The following UNC5C variants were observed in gnomAD, a reference collection of about 807,000 sequenced individuals.
UNC5C encodes unc-5 netrin receptor C.
Under a neutral mutation model 99.8 loss-of-function variants are expected in UNC5C, and 47 were observed. The ratio of observed to expected loss-of-function variants is 0.47; its 90% CI spans 0.37 to 0.60. The LOEUF (loss-of-function observed/expected upper bound fraction) is 0.60, where lower values mean the gene tolerates loss of function less well. Among genes scored for constraint, UNC5C ranks in the 20% least tolerant of loss-of-function variants. The probability of loss-of-function intolerance (pLI) is 0.00; values close to 1 mark genes in which losing one functional copy is unlikely to be tolerated. For synonymous variants in UNC5C, 487 were observed against 452.2 expected, an observed-to-expected ratio of 1.08 and a Z score of -0.98; for missense variants, 1,062 against 1,165.9, an observed-to-expected ratio of 0.91 and a Z score of 1.30.
intron 4 of UNC5C, among the ~76,000 whole-genome samples, chr4:95,277,912 C>T (rs2865418): frequency 0.18 from 27,350 of 152,076 alleles, 4,180 homozygotes; most frequent in African/African-American, 0.39. Flanking sequence ...TCACATTTTT[C>T]GCATATCAGC....
chr4:95,391,561 T>C (rs1355493436), intron 1 of UNC5C, among the ~76,000 whole-genome samples: 2 of 152,140 alleles, frequency 1.3e-5, no homozygotes, highest in Non-Finnish European at 2.9e-5. Context: ...CCAATATATC[T>C]TGTATTCTTT....
At chr4:95,264,971 T>C (rs566129891) in intron 4 of UNC5C, among the ~76,000 whole-genome samples, 1 of 152,280 alleles carries the variant, frequency 6.6e-6, no homozygotes, top group Admixed American at 6.5e-5. Flanking sequence ...TTCTCCTCCT[T>C]CTACTTTATA....
chr4:95,176,732 G>GAGGC (rs927275544), intron 14 of UNC5C, among the ~76,000 whole-genome samples: 1 of 152,256 alleles, frequency 6.6e-6, no homozygotes, highest in African/African-American at 2.4e-5. Flanking sequence ...GGAGCCTGCA[G>GAGGC]AGGCAGGCAG....
chr4:95,213,850 C>A (rs947133461), intron 10 of UNC5C, among the ~76,000 whole-genome samples: 2 of 152,132 alleles, frequency 1.3e-5, no homozygotes, highest in African/African-American at 4.8e-5. Context: ...GAAAGTGTAT[C>A]CAAAAATGCA....
At position 95,220,044 on chromosome 4, in the gene UNC5C, A is replaced by G; in HGVS notation, c.1241T>C (p.Ile414Thr). The G allele has an allele frequency of 6.2e-7, 1 of 1,614,146 alleles. No homozygotes were observed. The highest frequency in any genetic ancestry group is 8.5e-7 in the Non-Finnish European group (1 of 1,180,008). Reference sequence around the variant, plus strand: ...GCCCCCATTGAGTGCCGAAGAGTCAATAATATCTGACTCAAAGTCACGATG... The same window carrying G: ...GCCCCCATTGAGTGCCGAAGAGTCAGTAATATCTGACTCAAAGTCACGATG... Reference protein sequence around the residue: ...KNHRDFESDIIDSSALNGGFQ... With the variant: ...KNHRDFESDITDSSALNGGFQ... The change falls in exon 8 of 16, where the codon ATT (isoleucine) becomes ACT (threonine). Residue 414 changes from isoleucine (I) to threonine (T), a missense_variant. Coordinates refer to ENST00000453304, the MANE Select transcript of UNC5C (RefSeq NM_003728.4).
chr4:95,508,528 C>G (rs1481515085), intron 1 of UNC5C, among the ~76,000 whole-genome samples: 3 of 151,860 alleles, frequency 2.0e-5, no homozygotes, highest in African/African-American at 7.2e-5. Flanking sequence ...TCCAGACAGG[C>G]TGAACTAAAA....
At chr4:95,541,908 A>G (rs1722930973) in intron 1 of UNC5C, among the ~76,000 whole-genome samples, 1 of 152,204 alleles carries the variant, frequency 6.6e-6, no homozygotes, top group Non-Finnish European at 1.5e-5. Flanking sequence ...AAACTGAGAA[A>G]TACTAGCATG....
chr4:95,532,666 T>C (rs866362491), intron 1 of UNC5C, among the ~76,000 whole-genome samples: 1 of 152,112 alleles, frequency 6.6e-6, no homozygotes, highest in South Asian at 2.1e-4. Flanking sequence ...TTAACACTTG[T>C]TCATAGCAAA....
At chr4:95,251,020 A>T (rs1739700115) in intron 4 of UNC5C, among the ~76,000 whole-genome samples, 1 of 152,212 alleles carries the variant, frequency 6.6e-6, no homozygotes, top group African/African-American at 2.4e-5. Context: ...ACCCAATAAA[A>T]AATAATAGGA....
At chr4:95,172,561 G>A (rs576102250) in intron 14 of UNC5C, among the ~76,000 whole-genome samples, 3,595 of 150,842 alleles carry the variant, frequency 0.024, 115 homozygotes, top group African/African-American at 0.067. Flanking sequence ...GATATGCGGC[G>A]TTATTTCTGA....
At chr4:95,340,662 A>AC (rs1282759127) in intron 1 of UNC5C, among the ~76,000 whole-genome samples, 1 of 152,006 alleles carries the variant, frequency 6.6e-6, no homozygotes, top group East Asian at 1.9e-4. Flanking sequence ...TTCAAAACAA[A>AC]CTTTTTTTTG....
Position 95,169,134 on chromosome 4 carries a change from C to A in UNC5C, c.*100G>T. 6.8e-7 allele frequency: 1 copy of A among 1,468,818 alleles called. No homozygotes were observed. 91.0% of individuals were successfully genotyped at this position (1,468,818 alleles called of 1,614,324 possible). ...CTGCTGCAGTCTTGCCTGTGAAGTG[C>A]ATTGGTCTCATCTGGATTTCCTCCT... is the stretch of plus-strand genomic sequence containing the variant. On this transcript the variant is annotated 3_prime_UTR_variant, in exon 16 of 16. Transcript: ENST00000453304.
intron 1 of UNC5C, among the ~76,000 whole-genome samples, chr4:95,405,904 A>T (rs1002756976): frequency 1.3e-5 from 2 of 152,198 alleles, no homozygotes; most frequent in African/African-American, 4.8e-5. Context: ...ACTGTATGTC[A>T]TCACAGTAAA....
chr4:95,541,305 T>C (rs1722912881), intron 1 of UNC5C, among the ~76,000 whole-genome samples: 1 of 152,144 alleles, frequency 6.6e-6, no homozygotes, highest in Non-Finnish European at 1.5e-5. Context: ...TCATCCAATG[T>C]ACCCATGCTG....
At chr4:95,533,611 T>C (rs1023564061) in intron 1 of UNC5C, among the ~76,000 whole-genome samples, 9 of 152,156 alleles carry the variant, frequency 5.9e-5, no homozygotes, top group Non-Finnish European at 1.2e-4. Flanking sequence ...TTTGAATAAC[T>C]TGGCTCTCTG....
chr4:95,448,663 A>T (rs17023905), intron 1 of UNC5C, among the ~76,000 whole-genome samples: 55,043 of 151,980 alleles, frequency 0.36, 10,440 homozygotes, highest in Non-Finnish European at 0.42. Context: ...TTTTCCACGT[A>T]TGTTCCTTTA....
intron 1 of UNC5C, among the ~76,000 whole-genome samples, chr4:95,512,178 T>C (rs556819430): frequency 2.5e-3 from 373 of 152,178 alleles, no homozygotes; most frequent in Non-Finnish European, 4.3e-3. Flanking sequence ...TAGGAAACAT[T>C]TAAAGGTTCA....
intron 3 of UNC5C, among the ~76,000 whole-genome samples, chr4:95,283,314 G>T (rs1481495250): frequency 6.6e-6 from 1 of 152,100 alleles, no homozygotes; most frequent in African/African-American, 2.4e-5. Flanking sequence ...TTATTTTAAG[G>T]GTTTGGCTTT....
At chr4:95,190,170 A>G (rs1437093187) in intron 12 of UNC5C, among the ~76,000 whole-genome samples, 1 of 152,158 alleles carries the variant, frequency 6.6e-6, no homozygotes, top group East Asian at 1.9e-4. Context: ...ATAAAAAATG[A>G]TGAGTTCATG....
Sources: allele counts gnomAD v4.1 joint callset (sites outside exome capture counted in the v4.1 genomes callset), GRCh38; gene constraint gnomAD v4.1.1; transcripts MANE v1.5; gene names NCBI Gene and HGNC (gene_info 2026-07-23, HGNC 2026-07-21).